PARD3B: variants seen among roughly 807,000 people sequenced by gnomAD.
The protein encoded by PARD3B is par-3 family cell polarity regulator beta.
A neutral mutation model predicts 130.2 loss-of-function variants in PARD3B; 103 were observed. That is an observed-to-expected ratio of 0.79 (90% confidence interval 0.67 to 0.93). PARD3B has a LOEUF of 0.93. Ranked by LOEUF, PARD3B falls within the 40% of genes least tolerant of loss-of-function variation. PARD3B has a pLI of 0.00. For missense variants in PARD3B, 1,609 were observed against 1,499.2 expected, an observed-to-expected ratio of 1.07 and a Z score of -1.21; for synonymous variants, 583 against 553.2, an observed-to-expected ratio of 1.05 and a Z score of -0.76.
chr2:205,208,666 T>C (rs1205520796), intron 15 of PARD3B, among the ~76,000 whole-genome samples: 2 of 144,318 alleles, frequency 1.4e-5, no homozygotes, highest in Non-Finnish European at 3.0e-5. Context: ...TTACAAGGGA[T>C]GGGAAGGACC....
chr2:205,598,538 A>G (rs2054657711), intron 22 of PARD3B, among the ~76,000 whole-genome samples: 1 of 152,214 alleles, frequency 6.6e-6, no homozygotes, highest in Admixed American at 6.5e-5. Context: ...CACCCCACTC[A>G]CAGCATTAGT....
chr2:205,115,937 A>C lies in PARD3B; in HGVS notation c.680+2360A>C, dbSNP rs1459865858. On this transcript the variant is annotated intron_variant, in intron 6 of 22. Coordinates refer to ENST00000406610, the MANE Select transcript of PARD3B (RefSeq NM_001302769.2). ...GGCTTTGCCTCCAATGTATTTTTTT[A>C]TTTTTTTTTCTTTTAGAAAAATGTT... Among the ~76,000 whole-genome samples, 5 of 150,900 alleles carry C rather than the reference A, an allele frequency of 3.3e-5. No individual in the cohort carries two copies. In the South Asian group the frequency reaches 6.3e-4, roughly 19 times the overall value.
At chr2:205,507,194 G>GTTTTTT (rs1245448537) in intron 21 of PARD3B, among the ~76,000 whole-genome samples, 6 of 25,360 alleles carry the variant, frequency 2.4e-4, no homozygotes, top group Admixed American at 1.2e-3. Flanking sequence ...GACAGGTGCA[G>GTTTTTT]TATTTTTTTT....
chr2:205,615,962 A>G lies in PARD3B; in HGVS notation c.*149A>G. ...CTGACATTGTAACGCATGACTGCTA[A>G]TCAGAGAGAAAAAGAAGGGGAAGGG... is the stretch of plus-strand genomic sequence containing the variant. On this transcript the variant is annotated 3_prime_UTR_variant, in exon 23 of 23. Transcript: ENST00000406610. The G allele has an allele frequency of 1.5e-6, 1 of 681,662 alleles. No homozygotes were observed. Among genetic ancestry groups the G allele is most frequent in the East Asian group, 2.8e-5 (1 of 35,634 alleles). The allele number at this position is 681,662 out of a possible 1,614,324, so 42.2% of individuals were successfully genotyped here.
rs900234695 is a variant in PARD3B, at chr2:205,473,645, G to A, written c.3045-26251G>A. On this transcript the variant is annotated intron_variant, in intron 20 of 22. Transcript: ENST00000406610. This position sits in a 1 kb window ranked among gnomAD's most constrained non-coding sequence, Gnocchi z 4.9. ...TTTCTTCTATGTTTCCCAATATAAG[G>A]TTATATATATGTGTGTGTGTGTGTG... Among the ~76,000 whole-genome samples, 1 of 123,810 alleles carries A rather than the reference G, an allele frequency of 8.1e-6. No individual in the cohort carries two copies. The highest frequency in any genetic ancestry group is 3.1e-5 in the African/African-American group (1 of 31,814). The allele number at this position is 123,810 out of a possible 152,430, so 81.2% of individuals were successfully genotyped here.
In PARD3B at chr2:205,302,065, C is replaced by CTTTTTTTTTTTTTTTTTTTTTTTTTT. The variant is rs3048088; in HGVS notation, c.2630+387_2630+388insTTTTTTTTTTTTTTTTTTTTTTTTTT. On this transcript the variant is annotated intron_variant, in intron 18 of 22. Coordinates refer to ENST00000406610, the MANE Select transcript of PARD3B (RefSeq NM_001302769.2). ...CTATTCTTTTTTTCTTTTTTCTTTT[C>CTTTTTTTTTTTTTTTTTTTTTTTTTT]TTTTTTTTTTTTTTTTTTTTTTTGA... 2.7e-4 allele frequency among the ~76,000 whole-genome samples: 21 copies of CTTTTTTTTTTTTTTTTTTTTTTTTTT among 77,778 alleles called. 2 individuals carry two copies. Among genetic ancestry groups the CTTTTTTTTTTTTTTTTTTTTTTTTTT allele is most frequent in the South Asian group, 6.1e-4 (1 of 1,650 alleles). The allele number at this position is 77,778 out of a possible 152,430, so 51.0% of individuals were successfully genotyped here. A position where few individuals can be genotyped will look rare whatever the true frequency, so the allele number is the denominator to read the frequency against.
At chr2:204,650,672 T>C (rs1450023894) in intron 1 of PARD3B, among the ~76,000 whole-genome samples, 1 of 152,192 alleles carries the variant, frequency 6.6e-6, no homozygotes, top group African/African-American at 2.4e-5. Context: ...CTGCATGTTC[T>C]CACTTGTAAG....
At chr2:204,961,262 C>A (rs2125846122) in intron 2 of PARD3B, among the ~76,000 whole-genome samples, 1 of 152,154 alleles carries the variant, frequency 6.6e-6, no homozygotes, top group South Asian at 2.1e-4. Flanking sequence ...TGGGTAGAAA[C>A]AAGGGAACTA....
At chr2:204,601,036 A>T (rs1370307233) in intron 1 of PARD3B, among the ~76,000 whole-genome samples, 4 of 151,824 alleles carry the variant, frequency 2.6e-5, no homozygotes, top group Non-Finnish European at 4.4e-5. Context: ...ACTGATCGTT[A>T]AGCACATTTC....
At chr2:205,025,800 G>A (rs182452989) in intron 3 of PARD3B, among the ~76,000 whole-genome samples, 43 of 152,174 alleles carry the variant, frequency 2.8e-4, no homozygotes, top group African/African-American at 1.0e-3. Context: ...CACCGAACAC[G>A]ATGCTCTGAC....
At chr2:204,796,050 G>A (rs1208521946) in intron 2 of PARD3B, among the ~76,000 whole-genome samples, 3 of 152,162 alleles carry the variant, frequency 2.0e-5, no homozygotes, top group African/African-American at 7.2e-5. Context: ...AAATAGAACA[G>A]AAGGTAGGGC....
At chr2:205,481,761 A>G (rs1331848675) in intron 20 of PARD3B, among the ~76,000 whole-genome samples, 1 of 152,198 alleles carries the variant, frequency 6.6e-6, no homozygotes, top group Non-Finnish European at 1.5e-5. Context: ...AGATAGGGAG[A>G]TGGAAAGTGG....
intron 19 of PARD3B, among the ~76,000 whole-genome samples, chr2:205,411,968 A>G (rs1192716647): frequency 6.6e-6 from 1 of 152,118 alleles, no homozygotes. Flanking sequence ...AACACTTGTA[A>G]CCACTGTCAT....
At chr2:205,493,724 GTATT>G (rs1013265539) in intron 20 of PARD3B, among the ~76,000 whole-genome samples, 836 of 14,974 alleles carry the variant, frequency 0.056, 9 homozygotes, top group Middle Eastern at 0.18. Flanking sequence ...ATTTATGTAT[GTATT>G]TATTTATTTA....
intron 1 of PARD3B, among the ~76,000 whole-genome samples, chr2:204,596,937 T>C (rs1194476074): frequency 6.6e-6 from 1 of 151,684 alleles, no homozygotes; most frequent in Non-Finnish European, 1.5e-5. Context: ...TCTCTCTCTC[T>C]CTATCTGTCT....
rs553239537 is a variant in PARD3B at position 205,122,024 on chromosome 2, C to G, written c.1165+75C>G. The stretch of plus-strand genomic sequence containing the variant: ...ATTGGTTAAGAGAAATGCATTAAGG[C>G]TAATTTAGTTAATTCTCCCTTCATT... On this transcript the variant is annotated intron_variant, in intron 8 of 22. Transcript: ENST00000406610. This position sits in a 1 kb window ranked among gnomAD's most constrained non-coding sequence, Gnocchi z 4.3. 3.3e-4 allele frequency: 412 copies of G among 1,241,846 alleles called. 1 individual carries two copies. The highest frequency in any genetic ancestry group is 1.8e-3 in the Admixed American group (78 of 42,272). The allele number at this position is 1,241,846 out of a possible 1,614,324, so 76.9% of individuals were successfully genotyped here.
At chr2:205,438,050 A>C (rs1472396691) in intron 19 of PARD3B, among the ~76,000 whole-genome samples, 1 of 152,154 alleles carries the variant, frequency 6.6e-6, no homozygotes, top group East Asian at 1.9e-4. Context: ...GTCCTCCTCA[A>C]CATGGAGGGA....
chr2:204,909,124 C>G (rs1415199220), intron 2 of PARD3B, among the ~76,000 whole-genome samples: 1 of 152,038 alleles, frequency 6.6e-6, no homozygotes, highest in African/African-American at 2.4e-5. Flanking sequence ...AGGAACCATG[C>G]AGATCATCAA....
At chr2:205,014,176 T>G (rs1695942061) in intron 3 of PARD3B, among the ~76,000 whole-genome samples, 1 of 152,172 alleles carries the variant, frequency 6.6e-6, no homozygotes, top group Non-Finnish European at 1.5e-5. Flanking sequence ...AAGAATAGCT[T>G]TATTTGCATG....
Sources: gnomAD v4.1 joint callset for allele counts (sites outside exome capture counted in the v4.1 genomes callset) on GRCh38, gnomAD v4.1.1 for gene constraint, Gnocchi (gnomAD v3.1) non-coding constraint, MANE v1.5 for transcripts, NCBI Gene and HGNC (gene_info 2026-07-23, HGNC 2026-07-21) for gene names.